Variants in MLXIPL observed in about 807,000 individuals in gnomAD.
MLXIPL encodes the protein carbohydrate-responsive element-binding protein.
MLXIPL carries 49 observed loss-of-function variants against 81.5 expected under a neutral mutation model. The observed-to-expected ratio is 0.60, with a 90% CI of 0.48 to 0.76. The LOEUF (loss-of-function observed/expected upper bound fraction) is 0.76. Among genes scored for constraint, MLXIPL ranks in the 30% least tolerant of loss-of-function variants. MLXIPL has a pLI of 0.00. For synonymous variants in MLXIPL, 466 were observed against 485.5 expected (o/e 0.96, Z 0.53); for missense variants, 1,053 against 1,167.0 (o/e 0.90, Z 1.42).
upstream of MLXIPL, chr7:73,624,633 TG>T: frequency 7.3e-7 from 1 of 1,366,152 alleles, no homozygotes; most frequent in Non-Finnish European, 9.4e-7. Flanking sequence ...GGGCGGGGCT[TG>T]TATTAGCATA....
At chr7:73,618,692 C>T (rs781851065) in intron 1 of MLXIPL, among the ~76,000 whole-genome samples, 7 of 151,316 alleles carry the variant, frequency 4.6e-5, no homozygotes, top group Non-Finnish European at 8.8e-5. Flanking sequence ...ATTAGATAAA[C>T]ACCATCTGTT....
chr7:73,617,040 G>A (rs573108114), intron 1 of MLXIPL, among the ~76,000 whole-genome samples: 1 of 152,106 alleles, frequency 6.6e-6, no homozygotes, highest in East Asian at 1.9e-4. Flanking sequence ...TTTTGAGACG[G>A]AGTCTCAGTC....
intron 1 of MLXIPL, 47 bp downstream of exon 1, chr7:73,624,153 A>G: frequency 2.0e-6 from 1 of 492,166 alleles, no homozygotes; most frequent in Non-Finnish European, 2.9e-6. Flanking sequence ...CCCCCCCCCC[A>G]TCCCCACCTG....
intron 7 of MLXIPL, among the ~76,000 whole-genome samples, chr7:73,603,200 G>A (rs1795021608): frequency 1.3e-5 from 2 of 152,164 alleles, no homozygotes; most frequent in South Asian, 4.1e-4. Context: ...TGCCGTCTTG[G>A]TGGTACCAGT....
intron 2 of MLXIPL, among the ~76,000 whole-genome samples, chr7:73,612,642 CAAAAAAA>C (rs11343007): frequency 2.7e-5 from 3 of 113,060 alleles, no homozygotes; most frequent in Non-Finnish European, 5.5e-5. Context: ...ACCCCCATCT[CAAAAAAA>C]AAAAAAAAAA....
At chr7:73,639,383 C>T in the MLXIPL span, among the ~76,000 whole-genome samples, 1 of 152,136 alleles carries the variant, frequency 6.6e-6, no homozygotes, top group Non-Finnish European at 1.5e-5. Context: ...CAAAGATATT[C>T]CTCACAGCAC....
rs1406220939 is a variant in MLXIPL, at chr7:73,596,650, G to A, written c.1811C>T (p.Pro604Leu). 1 of 1,595,916 alleles carries A rather than the reference G, an allele frequency of 6.3e-7. No individual in the cohort carries two copies. Among genetic ancestry groups the A allele is most frequent in the South Asian group, 1.1e-5 (1 of 88,450 alleles). ...ACCCCTCTCTTTACCGCTGGGCGCT[G>A]GGGGTGAGAGCCGCTCCGCTTTGGG... Reference protein sequence around the residue: ...LVPKAERLSPPAPSGSERRLS... With the variant: ...LVPKAERLSPLAPSGSERRLS... Residue 604 changes from proline to leucine, a missense_variant, in exon 11 of 17, where the codon CCA (proline) becomes CTA (leucine). Physicochemically the swap from Pro to Leu is moderately conservative, Grantham distance 98. Coordinates refer to ENST00000313375, the MANE Select transcript of MLXIPL (RefSeq NM_032951.3). The surrounding 1 kb of genome is among the most constrained non-coding windows in gnomAD (Gnocchi z 4.7).
the MLXIPL span, among the ~76,000 whole-genome samples, chr7:73,642,015 A>G: frequency 3.7e-4 from 56 of 152,282 alleles, no homozygotes; most frequent in Non-Finnish European, 7.2e-4. Flanking sequence ...TCTACTTCAG[A>G]TAGCAGTCAC....
At chr7:73,631,466 A>T in the MLXIPL span, among the ~76,000 whole-genome samples, 4 of 151,624 alleles carry the variant, frequency 2.6e-5, no homozygotes, top group South Asian at 4.2e-4. Flanking sequence ...AAGCTCCAAA[A>T]TAGGCTCATC....
chr7:73,595,653 T>A lies in MLXIPL; in HGVS notation c.2294A>T (p.Asn765Ile). Residue 765 changes from asparagine to isoleucine, a missense_variant, in exon 15 of 17, where the codon AAC (asparagine) becomes ATC (isoleucine). Around this residue, in one of 3 missense-constraint regions of MLXIPL, gnomAD observed 823 missense variants for 933.0 expected, o/e 0.88. Coordinates refer to ENST00000313375, the MANE Select transcript of MLXIPL (RefSeq NM_032951.3). ...GGAGGATACCACCCAGAACTTCCAG[T>A]TGTGCAGCGTACGGGTTCGGACGTA... ...DDYVRTRTLH[N>I]WKFWVFSILI... is the part of the protein sequence containing the mutation. 1 of 1,614,096 alleles carries A rather than the reference T, an allele frequency of 6.2e-7. No individual in the cohort carries two copies. The highest frequency in any genetic ancestry group is 8.5e-7 in the Non-Finnish European group (1 of 1,179,990).
chr7:73,646,166 G>A, the MLXIPL span, among the ~76,000 whole-genome samples: 1 of 152,146 alleles, frequency 6.6e-6, no homozygotes. Flanking sequence ...CTTGCATTTA[G>A]CCACCACAGG....
chr7:73,614,395 C>T (rs549740743), intron 2 of MLXIPL, among the ~76,000 whole-genome samples: 1 of 152,144 alleles, frequency 6.6e-6, no homozygotes, highest in Non-Finnish European at 1.5e-5. Flanking sequence ...AACCTATCTC[C>T]CAGGGTTGCT....
At position 73,596,584 on chromosome 7, in the gene MLXIPL, C is replaced by G. The variant is rs1332329758; in HGVS notation, c.1822+55G>C. 17 of 1,600,014 alleles carry G rather than the reference C, an allele frequency of 1.1e-5. No homozygotes were observed. Among genetic ancestry groups the G allele is most frequent in the Non-Finnish European group, 1.4e-5 (17 of 1,173,598 alleles). ...CCCAGACCCAGTCCCCTTCTTCTTCCTCCTCTTCCCCTCATCCCCTAGATT... is the reference window on the plus strand; with the variant it reads ...CCCAGACCCAGTCCCCTTCTTCTTCGTCCTCTTCCCCTCATCCCCTAGATT... On this transcript the variant is annotated intron_variant, in intron 11 of 16. Transcript: ENST00000313375. This position sits in a 1 kb window ranked among gnomAD's most constrained non-coding sequence, Gnocchi z 4.7.
At chr7:73,626,682 A>G (rs1334341901), upstream of MLXIPL, among the ~76,000 whole-genome samples, 1 of 152,146 alleles carries the variant, frequency 6.6e-6, no homozygotes, top group Non-Finnish European at 1.5e-5. Flanking sequence ...GAGCAAAAAC[A>G]CACCCAAGCA....
In MLXIPL at chr7:73,593,737, C is replaced by A; in HGVS notation, c.*128G>T. Reference sequence around the variant, plus strand: ...CAAGTGTGAAACCTGGACCCTGCTCCACCCCCCAGGGAAGGGCAGAGCCAG... The same window carrying A: ...CAAGTGTGAAACCTGGACCCTGCTCAACCCCCCAGGGAAGGGCAGAGCCAG... On this transcript the variant is annotated 3_prime_UTR_variant, in exon 17 of 17. Transcript: ENST00000313375. 1 of 858,286 alleles carries A rather than the reference C, an allele frequency of 1.2e-6. No individual in the cohort carries two copies. The highest frequency in any genetic ancestry group is 2.0e-6 in the Non-Finnish European group (1 of 505,994). The allele number at this position is 858,286 out of a possible 1,614,324, so 53.2% of individuals were successfully genotyped here.
In MLXIPL at chr7:73,624,144, C is replaced by CA. The variant is rs1563517311; in HGVS notation, c.293+55_293+56insT. Reference sequence around the variant, plus strand: ...CCCAGCGCGCAGTCCTGCCCCGGACCCCCCCCCCATCCCCACCTGGAAGCC... The same window carrying CA: ...CCCAGCGCGCAGTCCTGCCCCGGACCACCCCCCCCATCCCCACCTGGAAGCC... On this transcript the variant is annotated intron_variant, in intron 1 of 16. Coordinates refer to ENST00000313375, the MANE Select transcript of MLXIPL (RefSeq NM_032951.3). 6.6e-6 allele frequency: 9 copies of CA among 1,361,512 alleles called. No homozygotes were observed. The African/African-American group carries it at 1.2e-4, about 18-fold the overall frequency. 84.3% of individuals were successfully genotyped at this position (1,361,512 alleles called of 1,614,324 possible). A position where few individuals can be genotyped will look rare whatever the true frequency, so the allele number is the denominator to read the frequency against.
chr7:73,606,346 G>A (rs6968170), intron 5 of MLXIPL: 138,670 of 584,336 alleles, frequency 0.24, 17,472 homozygotes, highest in Non-Finnish European at 0.28. Context: ...TCCCCTTCCT[G>A]CTCTTTAGAT....
chr7:73,602,126 G>T (rs149833118), intron 7 of MLXIPL, among the ~76,000 whole-genome samples: 11,220 of 75,444 alleles, frequency 0.15, 557 homozygotes, highest in Non-Finnish European at 0.17. Flanking sequence ...CTGCCTGCCT[G>T]CCTGCCTTCC....
intron 1 of MLXIPL, among the ~76,000 whole-genome samples, chr7:73,619,665 T>C (rs1796214178): frequency 6.6e-6 from 1 of 151,424 alleles, no homozygotes; most frequent in African/African-American, 2.4e-5. Flanking sequence ...GCGCAGTGGC[T>C]CAAGCCTGTA....
Sources: gnomAD v4.1 joint callset for allele counts (sites outside exome capture counted in the v4.1 genomes callset) on GRCh38, gnomAD v4.1.1 for gene constraint, gnomAD v4.1.1 regional missense constraint, Gnocchi (gnomAD v3.1) non-coding constraint, MANE v1.5 for transcripts, NCBI Gene and HGNC (gene_info 2026-07-23, HGNC 2026-07-21) for gene names.